The following SAMD4A variants were observed in gnomAD, a reference collection of about 807,000 sequenced individuals.
SAMD4A encodes the protein sterile alpha motif domain containing 4A, also known as protein Smaug homolog 1.
SAMD4A carries 33 observed loss-of-function variants against 81.3 expected under a neutral mutation model. That is an observed-to-expected ratio of 0.41 (90% CI 0.31 to 0.54). The LOEUF (loss-of-function observed/expected upper bound fraction) is 0.54. Ranked by LOEUF, SAMD4A falls within the 20% of genes least tolerant of loss-of-function variation. SAMD4A has a pLI of 0.37. For missense variants in SAMD4A, 854 were observed against 951.1 expected (o/e 0.90, Z 1.34); for synonymous variants, 389 against 382.1 (o/e 1.02, Z -0.21).
chr14:54,645,935 T>C (rs1333733527), intron 2 of SAMD4A, among the ~76,000 whole-genome samples: 1 of 152,274 alleles, frequency 6.6e-6, no homozygotes, highest in Non-Finnish European at 1.5e-5. Flanking sequence ...CGCAAAATTA[T>C]TCTTTTTTCA....
chr14:54,631,320 C>A (rs1173772299), intron 2 of SAMD4A, among the ~76,000 whole-genome samples: 2 of 152,168 alleles, frequency 1.3e-5, no homozygotes, highest in Non-Finnish European at 2.9e-5. Context: ...TTCAGAATAA[C>A]ATATGGCCAA....
At chr14:54,571,041 AT>A (rs1452509346) in intron 2 of SAMD4A, among the ~76,000 whole-genome samples, 3 of 149,992 alleles carry the variant, frequency 2.0e-5, no homozygotes, top group African/African-American at 7.3e-5. Context: ...ATAAAAAAAA[AT>A]TACTAGTAAT....
chr14:54,792,897 T>C lies in SAMD4A; in HGVS notation c.*3953T>C, dbSNP rs1412202849. The C allele has an allele frequency of 6.6e-6, 1 of 152,230 alleles. No individual in the cohort carries two copies. The highest frequency in any genetic ancestry group is 2.4e-5 in the African/African-American group (1 of 41,462). The allele number at this position is 152,230 out of a possible 1,614,324, so 9.4% of individuals were successfully genotyped here. On this transcript the variant is annotated 3_prime_UTR_variant, in exon 13 of 13. Transcript: ENST00000554335. ...ATAATCCTCATGTATTTATGCCTAATGTAAGCTGACTTTTAAAAAGCTTTC... is the reference window on the plus strand; with the variant it reads ...ATAATCCTCATGTATTTATGCCTAACGTAAGCTGACTTTTAAAAAGCTTTC...
intron 2 of SAMD4A, among the ~76,000 whole-genome samples, chr14:54,596,191 A>T (rs907862019): frequency 3.9e-5 from 6 of 152,202 alleles, no homozygotes; most frequent in African/African-American, 1.4e-4. Flanking sequence ...TGGAGCTACT[A>T]ACAAAGATGT....
intron 3 of SAMD4A, among the ~76,000 whole-genome samples, chr14:54,711,556 G>A (rs2036989984): frequency 1.3e-5 from 2 of 152,096 alleles, no homozygotes; most frequent in Non-Finnish European, 2.9e-5. Flanking sequence ...AGACGTCTCT[G>A]GGTAGTATTT....
chr14:54,616,023 A>G (rs2034482023), intron 2 of SAMD4A, among the ~76,000 whole-genome samples: 1 of 152,216 alleles, frequency 6.6e-6, no homozygotes, highest in Admixed American at 6.5e-5. Context: ...TGTATTTATA[A>G]GTAGCTATCT....
intron 3 of SAMD4A, among the ~76,000 whole-genome samples, chr14:54,723,999 T>TGGAA (rs1352946376): frequency 1.5e-4 from 8 of 53,030 alleles, no homozygotes; most frequent in East Asian, 6.1e-4. Flanking sequence ...ATTGGATGGA[T>TGGAA]GGATGGATGG....
At chr14:54,655,875 A>G (rs2035508714) in intron 2 of SAMD4A, among the ~76,000 whole-genome samples, 1 of 152,174 alleles carries the variant, frequency 6.6e-6, no homozygotes, top group Admixed American at 6.5e-5. Context: ...TCATCTGTAA[A>G]TGGGGATAAT....
chr14:54,670,377 G>C (rs1594791039), intron 2 of SAMD4A, among the ~76,000 whole-genome samples: 1 of 152,214 alleles, frequency 6.6e-6, no homozygotes, highest in East Asian at 1.9e-4. Flanking sequence ...AGGAAGCCAA[G>C]AATGAATGGG....
chr14:54,724,012 G>GGAAGGAAGGAA (rs141514832), intron 3 of SAMD4A, among the ~76,000 whole-genome samples: 13,056 of 141,528 alleles, frequency 0.092, 786 homozygotes, highest in Admixed American at 0.19. Context: ...ATGGATGGAA[G>GGAAGGAAGGAA]GAAGGAAGGA....
intron 2 of SAMD4A, among the ~76,000 whole-genome samples, chr14:54,692,602 C>CT (rs1292901269): frequency 6.6e-6 from 1 of 152,068 alleles, no homozygotes; most frequent in East Asian, 1.9e-4. Context: ...TTTTAAGGTA[C>CT]TATTGGAGTG....
intron 3 of SAMD4A, among the ~76,000 whole-genome samples, chr14:54,736,758 G>GACCC: frequency 6.6e-6 from 1 of 152,308 alleles, no homozygotes; most frequent in Non-Finnish European, 1.5e-5. Context: ...ACCAGATCCA[G>GACCC]ACCCACAAAG....
intron 9 of SAMD4A, among the ~76,000 whole-genome samples, chr14:54,770,819 A>T (rs1271760814): frequency 6.6e-6 from 1 of 152,240 alleles, no homozygotes; most frequent in East Asian, 1.9e-4. Flanking sequence ...AAATTGAGGA[A>T]TCCAATTACA....
chr14:54,746,462 G>C (rs551334784), intron 4 of SAMD4A, among the ~76,000 whole-genome samples: 1 of 152,324 alleles, frequency 6.6e-6, no homozygotes, highest in African/African-American at 2.4e-5. Flanking sequence ...TACTCCCAGT[G>C]TTTTGACTAA....
intron 5 of SAMD4A, among the ~76,000 whole-genome samples, chr14:54,749,949 C>A (rs780082173): frequency 2.9e-4 from 44 of 152,218 alleles, no homozygotes; most frequent in Non-Finnish European, 5.7e-4. Context: ...GCCTGGCGGA[C>A]TCCCAATATG....
intron 2 of SAMD4A, among the ~76,000 whole-genome samples, chr14:54,685,308 G>T (rs1206961082): frequency 7.1e-6 from 1 of 141,824 alleles, no homozygotes; most frequent in Non-Finnish European, 1.5e-5. Context: ...CCACCATTCT[G>T]CTTTCTGACT....
chr14:54,625,124 C>A (rs76661089), intron 2 of SAMD4A, among the ~76,000 whole-genome samples: 1 of 151,972 alleles, frequency 6.6e-6, no homozygotes, highest in African/African-American at 2.4e-5. Flanking sequence ...TGTCCCCCTC[C>A]CCCCAGCTCT....
chr14:54,787,988 T>A (rs1175392496), intron 12 of SAMD4A, among the ~76,000 whole-genome samples: 1 of 152,134 alleles, frequency 6.6e-6, no homozygotes, highest in Non-Finnish European at 1.5e-5. Context: ...CGGGCAGGCC[T>A]CACACCTCTG....
intron 2 of SAMD4A, among the ~76,000 whole-genome samples, chr14:54,657,061 C>T (rs549254196): frequency 1.3e-5 from 2 of 152,108 alleles, no homozygotes; most frequent in South Asian, 4.2e-4. Flanking sequence ...ATTCAGGATG[C>T]CTTTTGTAGA....
Sources: gnomAD v4.1 joint callset for allele counts (sites outside exome capture counted in the v4.1 genomes callset) on GRCh38, gnomAD v4.1.1 for gene constraint, MANE v1.5 for transcripts, NCBI Gene and HGNC (gene_info 2026-07-23, HGNC 2026-07-21) for gene names.